The following DMD variants were observed in gnomAD, a reference collection of about 807,000 sequenced individuals.
DMD encodes mutant dystrophin.
In DMD, 63 loss-of-function variants were observed where a neutral mutation model predicts 330.1. That is an observed-to-expected ratio of 0.19 (90% CI 0.16 to 0.24). The LOEUF is 0.24. DMD is among the 10% of genes least tolerant of loss of function. The pLI, the probability that DMD is intolerant of heterozygous loss-of-function variation, is 1.00. For synonymous variants in DMD, 1,223 were observed against 959.8 expected, an observed-to-expected ratio of 1.27 and a Z score of -5.07; for missense variants, 3,344 against 2,684.1, an observed-to-expected ratio of 1.25 and a Z score of -5.43.
At chrX:32,185,948 C>T (rs909271153) in intron 44 of DMD, among the ~76,000 whole-genome samples, 3 of 110,305 alleles carry the variant, frequency 2.7e-5, no homozygotes, top group Admixed American at 9.7e-5. Context: ...TTCTGCCTCT[C>T]GGAGATCTTA....
chrX:31,356,366 C>T (rs1475514213), intron 60 of DMD, among the ~76,000 whole-genome samples: 6 of 110,542 alleles, frequency 5.4e-5, no homozygotes, highest in South Asian at 3.9e-4. Flanking sequence ...CCTCCTTTTT[C>T]TGTCCTTTCT....
intron 15 of DMD, among the ~76,000 whole-genome samples, chrX:32,569,280 G>A (rs16990464): frequency 0.013 from 1,425 of 111,729 alleles, 20 homozygotes; most frequent in African/African-American, 0.044. Context: ...TCAGGAATAC[G>A]CATAAGAGAA....
intron 18 of DMD, among the ~76,000 whole-genome samples, chrX:32,503,488 A>T (rs1249969228): frequency 2.7e-5 from 3 of 112,573 alleles, no homozygotes; most frequent in Non-Finnish European, 5.6e-5. Flanking sequence ...TTATACAATA[A>T]TCCACATATT....
intron 1 of DMD, among the ~76,000 whole-genome samples, chrX:33,112,700 T>C (rs2095348970): frequency 9.0e-6 from 1 of 111,389 alleles, no homozygotes; most frequent in African/African-American, 3.3e-5. Flanking sequence ...TATACTAAAA[T>C]TGTGGCTCTT....
chrX:32,658,622 T>C (rs1052447632), intron 9 of DMD, among the ~76,000 whole-genome samples: 2 of 111,364 alleles, frequency 1.8e-5, no homozygotes, highest in Non-Finnish European at 3.8e-5. Flanking sequence ...CTTCTCACTG[T>C]TGATTATCTT....
chrX:31,329,540 A>C (rs2056978551), intron 61 of DMD, among the ~76,000 whole-genome samples: 1 of 111,985 alleles, frequency 8.9e-6, no homozygotes, highest in Non-Finnish European at 1.9e-5. Context: ...AAGACAGGGC[A>C]GGGGAAACGA....
intron 55 of DMD, among the ~76,000 whole-genome samples, chrX:31,571,833 CT>C (rs1407476036): frequency 2.7e-5 from 3 of 111,781 alleles, no homozygotes; most frequent in Non-Finnish European, 5.6e-5. Flanking sequence ...CCAAGAATTT[CT>C]TGAGATACTG....
chrX:31,547,708 C>A (rs2074230723), intron 55 of DMD, among the ~76,000 whole-genome samples: 1 of 112,166 alleles, frequency 8.9e-6, no homozygotes, highest in Non-Finnish European at 1.9e-5. Flanking sequence ...TGGAATTGTG[C>A]ACTAAATGTC....
At chrX:33,232,863 C>T (rs1217535843) in intron 1 of DMD, among the ~76,000 whole-genome samples, 1 of 111,328 alleles carries the variant, frequency 9.0e-6, no homozygotes, top group Non-Finnish European at 1.9e-5. Flanking sequence ...TGATGATGGA[C>T]AGAATCTAAA....
intron 61 of DMD, among the ~76,000 whole-genome samples, chrX:31,342,787 C>CT (rs980502685): frequency 8.1e-5 from 9 of 111,410 alleles, no homozygotes; most frequent in African/African-American, 2.9e-4. Context: ...TCTTTAAATT[C>CT]TTTTTTTGAG....
At chrX:31,512,934 C>G (rs1037558142) in intron 55 of DMD, among the ~76,000 whole-genome samples, 1 of 108,074 alleles carries the variant, frequency 9.3e-6, no homozygotes, top group African/African-American at 3.4e-5. Flanking sequence ...GCAGTATGGC[C>G]ATTTTCACAA....
At chrX:31,563,670 A>T (rs1290715142) in intron 55 of DMD, among the ~76,000 whole-genome samples, 1 of 112,250 alleles carries the variant, frequency 8.9e-6, no homozygotes, top group Non-Finnish European at 1.9e-5. Flanking sequence ...AAATCTTGAT[A>T]AGCCTAAAAT....
intron 62 of DMD, among the ~76,000 whole-genome samples, chrX:31,306,124 A>ATAT (rs146153590): frequency 0.012 from 1,325 of 111,022 alleles, 5 homozygotes; most frequent in Non-Finnish European, 0.02. Flanking sequence ...TTGGGAAAAC[A>ATAT]TATTTACTAT....
At chrX:32,387,002 T>C (rs1336961139) in intron 32 of DMD, among the ~76,000 whole-genome samples, 1 of 110,662 alleles carries the variant, frequency 9.0e-6, no homozygotes, top group African/African-American at 3.3e-5. Context: ...TTCTACATCA[T>C]AATTTCAATA....
rs2095563632 is a variant in DMD, at chrX:31,993,395, T to TA, written c.6439-24882dup. Among the ~76,000 whole-genome samples the TA allele has an allele frequency of 2.7e-5, 3 of 111,651 alleles. No individual in the cohort carries two copies. The Admixed American group carries it at 2.9e-4, about 11-fold the overall frequency. On this transcript the variant is annotated intron_variant, in intron 44 of 78. Coordinates refer to ENST00000357033, the MANE Select transcript of DMD (RefSeq NM_004006.3). The stretch of plus-strand genomic sequence containing the variant: ...TAGGAGTCTCATGACACACAGGCTC[T>TA]AAACCTTGATTACCTTTCTACAAGA...
At chrX:32,465,924 G>A (rs905475270) in intron 23 of DMD, among the ~76,000 whole-genome samples, 22 of 111,051 alleles carry the variant, frequency 2.0e-4, no homozygotes, top group Non-Finnish European at 5.7e-5. Context: ...GCACTGGCTC[G>A]TTTTGATATC....
At chrX:32,487,144 A>C (rs1437922450) in intron 20 of DMD, among the ~76,000 whole-genome samples, 2 of 111,652 alleles carry the variant, frequency 1.8e-5, no homozygotes, top group African/African-American at 6.5e-5. Context: ...GAACTCAAAA[A>C]AATTTACAAG....
intron 44 of DMD, among the ~76,000 whole-genome samples, chrX:32,125,409 G>A (rs2096656874): frequency 1.8e-5 from 2 of 111,852 alleles, no homozygotes; most frequent in African/African-American, 6.5e-5. Context: ...TGGGATGGAG[G>A]AACCTGGATG....
At chrX:31,511,336 A>ATTTATTTAT (rs575874863) in intron 55 of DMD, among the ~76,000 whole-genome samples, 2,035 of 95,711 alleles carry the variant, frequency 0.021, 55 homozygotes, top group East Asian at 0.078. Flanking sequence ...TTATTTATTT[A>ATTTATTTAT]TTATTATTAT....
Sources: gnomAD v4.1 joint callset for allele counts (sites outside exome capture counted in the v4.1 genomes callset) on GRCh38, gnomAD v4.1.1 for gene constraint, MANE v1.5 for transcripts, NCBI Gene and HGNC (gene_info 2026-07-23, HGNC 2026-07-21) for gene names.